Variants in GRAMD1B observed in about 807,000 individuals in gnomAD.
The protein encoded by GRAMD1B is protein Aster-B.
In GRAMD1B, 37 loss-of-function variants were observed where a neutral mutation model predicts 99.7. The ratio of observed to expected loss-of-function variants is 0.37; its 90% confidence interval spans 0.29 to 0.49. The LOEUF is 0.49. Ranked by LOEUF, GRAMD1B falls within the 20% of genes least tolerant of loss-of-function variation. The probability of loss-of-function intolerance (pLI) is 0.98; values close to 1 mark genes in which losing one functional copy is unlikely to be tolerated. For synonymous variants in GRAMD1B, 427 were observed against 387.6 expected (o/e 1.10, Z -1.19); for missense variants, 888 against 1,009.2 (o/e 0.88, Z 1.63).
At chr11:123,502,250 C>T (rs17127419) in intron 2 of GRAMD1B, among the ~76,000 whole-genome samples, 17,515 of 152,252 alleles carry the variant, frequency 0.12, 1,397 homozygotes, top group East Asian at 0.43. Flanking sequence ...GGCATTCGGA[C>T]AATCCTTCCT....
chr11:123,620,525 G>C (rs960607716), intron 19 of GRAMD1B, among the ~76,000 whole-genome samples: 1 of 134,418 alleles, frequency 7.4e-6, no homozygotes, highest in East Asian at 2.3e-4. Context: ...CAGCTATCAA[G>C]ACCCAGTTGG....
intron 1 of GRAMD1B, among the ~76,000 whole-genome samples, chr11:123,407,873 C>T (rs1462094612): frequency 6.6e-6 from 1 of 152,224 alleles, no homozygotes; most frequent in African/African-American, 2.4e-5. Context: ...CAGGGGCTCA[C>T]AGTCTAGGCT....
chr11:123,466,356 A>C (rs532063970), intron 1 of GRAMD1B, among the ~76,000 whole-genome samples: 1 of 116,558 alleles, frequency 8.6e-6, no homozygotes, highest in African/African-American at 3.7e-5. Context: ...GAAGGAAAGA[A>C]GGAAGGAAGG....
At chr11:123,512,977 A>G (rs1024872517) in intron 2 of GRAMD1B, among the ~76,000 whole-genome samples, 2 of 152,178 alleles carry the variant, frequency 1.3e-5, no homozygotes, top group South Asian at 4.1e-4. Context: ...TAAAGAGCCT[A>G]TTTGTATAGT....
Position 123,541,667 on chromosome 11 carries a change from T to C in GRAMD1B, c.453-35700T>C, listed in dbSNP as rs898050761. 5.9e-5 allele frequency among the ~76,000 whole-genome samples: 9 copies of C among 152,290 alleles called. No homozygotes were observed. In the East Asian group the frequency reaches 1.7e-3, roughly 29 times the overall value. ...GCAAGTACTTTCCCAGAGTTTCTTT[T>C]GTCTATTAACTTTAAGCTGATTTTT... is the stretch of plus-strand genomic sequence containing the variant. On this transcript the variant is annotated intron_variant, in intron 2 of 19. Coordinates refer to ENST00000635736, the MANE Select transcript of GRAMD1B (RefSeq NM_001387025.1).
intron 2 of GRAMD1B, among the ~76,000 whole-genome samples, chr11:123,548,291 A>AATATATATATATATATATATAT (rs139996126): frequency 1.7e-4 from 13 of 75,146 alleles, no homozygotes; most frequent in East Asian, 4.5e-4. Context: ...GCTGTGCCAA[A>AATATATATATATATATATATAT]ATATATATAT....
intron 1 of GRAMD1B, among the ~76,000 whole-genome samples, chr11:123,362,542 A>G (rs1946179879): frequency 6.6e-6 from 1 of 152,182 alleles, no homozygotes. Context: ...AAAGCTTCAT[A>G]AAAATAAAAA....
intron 1 of GRAMD1B, among the ~76,000 whole-genome samples, chr11:123,478,747 G>T (rs1268941046): frequency 1.3e-5 from 2 of 152,238 alleles, no homozygotes; most frequent in Non-Finnish European, 2.9e-5. Flanking sequence ...GCTCAGCGGG[G>T]TCAAGTTTGA....
At chr11:123,422,939 CT>C (rs201419764) in intron 1 of GRAMD1B, among the ~76,000 whole-genome samples, 4,734 of 90,942 alleles carry the variant, frequency 0.052, 238 homozygotes, top group African/African-American at 0.2. Context: ...TTTTCTGCTC[CT>C]TCCTCCCTTC....
At chr11:123,445,736 T>C (rs999286482) in intron 1 of GRAMD1B, among the ~76,000 whole-genome samples, 1 of 150,266 alleles carries the variant, frequency 6.7e-6, no homozygotes, top group African/African-American at 2.5e-5. Flanking sequence ...TTTGAATTGC[T>C]TGAACCTGGG....
chr11:123,443,176 A>G (rs1949487585), intron 1 of GRAMD1B, among the ~76,000 whole-genome samples: 1 of 152,230 alleles, frequency 6.6e-6, no homozygotes, highest in African/African-American at 2.4e-5. Flanking sequence ...GCTCTGATTT[A>G]AACGCCTCTG....
chr11:123,593,755 G>A (rs1950939370), intron 4 of GRAMD1B, among the ~76,000 whole-genome samples: 1 of 152,148 alleles, frequency 6.6e-6, no homozygotes, highest in South Asian at 2.1e-4. Flanking sequence ...AACAGCAGTA[G>A]CTGGCATGGT....
intron 1 of GRAMD1B, among the ~76,000 whole-genome samples, chr11:123,383,424 A>AT (rs1255675983): frequency 6.6e-6 from 1 of 152,174 alleles, no homozygotes; most frequent in African/African-American, 2.4e-5. Context: ...CAGTTTCCTC[A>AT]TCTGTAAAAT....
rs76968140 is a variant in GRAMD1B at position 123,577,597 on chromosome 11, G to A, written c.663+20G>A. The A allele has an allele frequency of 0.039, 59,932 of 1,548,994 alleles. 1,316 individuals are homozygous for A. Among genetic ancestry groups the A allele is most frequent in the Middle Eastern group, 0.049 (266 of 5,458 alleles). On this transcript the variant is annotated intron_variant, in intron 3 of 19. Transcript: ENST00000635736. ...TCCAAGGTGAGCGGGACCCCGTTGA[G>A]GCGGTACCTCCTTGTCAGGGGCTGC...
intron 1 of GRAMD1B, among the ~76,000 whole-genome samples, chr11:123,434,821 G>C (rs1446962119): frequency 6.6e-6 from 1 of 152,174 alleles, no homozygotes; most frequent in East Asian, 1.9e-4. Flanking sequence ...TAGAGGCAAT[G>C]GAGTGCAGGG....
intron 1 of GRAMD1B, chr11:123,435,674 G>A (rs1949125937): frequency 2.3e-6 from 1 of 443,448 alleles, no homozygotes; most frequent in Non-Finnish European, 4.0e-6. Context: ...TTGTTGATGA[G>A]TTAATAATGA....
At chr11:123,411,661 T>A (rs2135972140) in intron 1 of GRAMD1B, among the ~76,000 whole-genome samples, 1 of 152,286 alleles carries the variant, frequency 6.6e-6, no homozygotes, top group South Asian at 2.1e-4. Flanking sequence ...CATTTTATCA[T>A]TATTATTTTT....
intron 1 of GRAMD1B, 85 bp downstream of exon 1, chr11:123,431,251 C>A: frequency 1.6e-6 from 1 of 612,330 alleles, no homozygotes; most frequent in Non-Finnish European, 2.9e-6. Flanking sequence ...CTGGGGGAAA[C>A]GTCCTGGGGG....
At chr11:123,488,159 T>C (rs139644744) in intron 2 of GRAMD1B, among the ~76,000 whole-genome samples, 79 of 152,290 alleles carry the variant, frequency 5.2e-4, no homozygotes, top group Non-Finnish European at 1.3e-4. Context: ...ATAGGGGCAC[T>C]AATTACATTC....
Sources: allele counts gnomAD v4.1 joint callset (sites outside exome capture counted in the v4.1 genomes callset), GRCh38; gene constraint gnomAD v4.1.1; transcripts MANE v1.5; gene names NCBI Gene and HGNC (gene_info 2026-07-23, HGNC 2026-07-21).